DNAJC7: variants seen among roughly 807,000 people sequenced by gnomAD.
The protein encoded by DNAJC7 is dnaJ homolog subfamily C member 7.
A neutral mutation model predicts 67.4 loss-of-function variants in DNAJC7; 18 were observed. The ratio of observed to expected loss-of-function variants is 0.27; its 90% CI spans 0.18 to 0.40. The LOEUF is 0.40. Among genes scored for constraint, DNAJC7 ranks in the 10% least tolerant of loss-of-function variants. The pLI is 1.00. For missense variants in DNAJC7, 419 were observed against 613.8 expected, an observed-to-expected ratio of 0.68 and a Z score of 3.35; for synonymous variants, 220 against 207.8, an observed-to-expected ratio of 1.06 and a Z score of -0.50.
Position 41,981,880 on chromosome 17 carries a change from T to G in DNAJC7, c.1359A>C (p.Leu453=), listed in dbSNP as rs535782796. 2.5e-6 allele frequency: 4 copies of G among 1,613,838 alleles called. No individual in the cohort carries two copies. The African/African-American group carries it at 5.3e-5, about 22-fold the overall frequency. Residue 453 remains leucine (L), a synonymous_variant, in exon 12 of 14, where the codon CTA becomes CTC. Coordinates refer to ENST00000457167, the MANE Select transcript of DNAJC7 (RefSeq NM_003315.4). The part of the protein sequence containing the change: ...KKTRYDSGQD[L]DEEGMNMGDF... ...CACCCATATTCATGCCCTCCTCATCTAGGTCCTGTCCACTGTCATAGCGAG... is the reference window on the plus strand; with the variant it reads ...CACCCATATTCATGCCCTCCTCATCGAGGTCCTGTCCACTGTCATAGCGAG...
chr17:41,977,225 G>C (rs1555645033), intron 13 of DNAJC7, 36 bp downstream of exon 13: 12 of 1,562,466 alleles, frequency 7.7e-6, no homozygotes, highest in Non-Finnish European at 1.0e-5. Context: ...GTTGGCTTGT[G>C]ATCTGGGAAC....
rs1173825270 is a variant in DNAJC7 at position 42,007,101 on chromosome 17, C to CA, written c.78-6532dup. Reference sequence around the variant, plus strand: ...TGGGCAACAGAGCAAGATCCTGTCTCAAAAAAAAAAAAGAAAAAGAAAAAG... The same window carrying CA: ...TGGGCAACAGAGCAAGATCCTGTCTCAAAAAAAAAAAAAGAAAAAGAAAAAG... On this transcript the variant is annotated intron_variant, in intron 1 of 13. Coordinates refer to ENST00000457167, the MANE Select transcript of DNAJC7 (RefSeq NM_003315.4). Among the ~76,000 whole-genome samples, 317 of 128,442 alleles carry CA rather than the reference C, an allele frequency of 2.5e-3. 1 individual carries two copies. The highest frequency in any genetic ancestry group is 4.2e-3 in the African/African-American group (146 of 34,640). The allele number at this position is 128,442 out of a possible 152,430, so 84.3% of individuals were successfully genotyped here.
intron 10 of DNAJC7, among the ~76,000 whole-genome samples, chr17:41,983,001 A>C (rs886874205): frequency 6.6e-6 from 1 of 151,766 alleles, no homozygotes; most frequent in Non-Finnish European, 1.5e-5. Flanking sequence ...ATCTACCCAG[A>C]CTTAGGTTCC....
At chr17:41,977,434 T>C (rs782303187) in intron 12 of DNAJC7, 111 bp from the exon 13 acceptor site, 301 of 965,700 alleles carry the variant, frequency 3.1e-4, no homozygotes, top group Non-Finnish European at 4.2e-4. Context: ...CTGGAGAGTC[T>C]CACTCCCCTC....
intron 9 of DNAJC7, chr17:41,984,595 C>A (rs2051331364): frequency 6.6e-6 from 1 of 152,178 alleles, no homozygotes; most frequent in Non-Finnish European, 1.5e-5. Context: ...GCGTGAGCCA[C>A]CGCACCCGGC....
intron 5 of DNAJC7, among the ~76,000 whole-genome samples, chr17:41,994,382 A>G (rs2051598120): frequency 6.6e-6 from 1 of 150,594 alleles, no homozygotes; most frequent in South Asian, 2.1e-4. Flanking sequence ...AAACAAAACT[A>G]CAAAACTTAG....
chr17:42,005,295 C>T (rs2051917871), intron 1 of DNAJC7, among the ~76,000 whole-genome samples: 1 of 152,172 alleles, frequency 6.6e-6, no homozygotes, highest in African/African-American at 2.4e-5. Flanking sequence ...ACATTTACAG[C>T]TCAACTAAAT....
At chr17:41,986,748 C>G (rs1464488780) in intron 9 of DNAJC7, among the ~76,000 whole-genome samples, 1 of 152,086 alleles carries the variant, frequency 6.6e-6, no homozygotes, top group Non-Finnish European at 1.5e-5. Flanking sequence ...TTCTGTTGGA[C>G]AGACTTAGTC....
In DNAJC7 at chr17:41,982,300, C is replaced by T. The variant is rs1598117414; in HGVS notation, c.1186G>A (p.Glu396Lys). The part of the protein sequence containing the change: ...LGVDKNASED[E>K]IKKAYRKRAL... Reference sequence around the variant, plus strand: ...CGTTTCCGATAAGCTTTCTTGATCTCGTCCTCAGAGGCATTCTTGTCCACT... The same window carrying T: ...CGTTTCCGATAAGCTTTCTTGATCTTGTCCTCAGAGGCATTCTTGTCCACT... Residue 396 changes from glutamate (E) to lysine (K), a missense_variant, in exon 11 of 14, where the codon GAG becomes AAG. Glu to Lys is a moderately conservative substitution (Grantham distance 56). Around this residue, in one of 4 missense-constraint regions of DNAJC7, gnomAD observed 161 missense variants for 252.2 expected, o/e 0.64. Transcript: ENST00000457167. 2 of 1,614,010 alleles carry T rather than the reference C, an allele frequency of 1.2e-6. No homozygotes were observed. The highest frequency in any genetic ancestry group is 8.5e-7 in the Non-Finnish European group (1 of 1,179,906).
At chr17:42,008,413 T>C (rs1199041675) in intron 1 of DNAJC7, among the ~76,000 whole-genome samples, 10 of 13,958 alleles carry the variant, frequency 7.2e-4, no homozygotes, top group South Asian at 2.3e-3. Context: ...TATATAGATA[T>C]AGATTTTTTT....
chr17:42,012,293 G>A lies in DNAJC7; in HGVS notation c.77+5047C>T, dbSNP rs989690036. 5.9e-5 allele frequency among the ~76,000 whole-genome samples: 9 copies of A among 152,330 alleles called. No individual in the cohort carries two copies. In the East Asian group the frequency reaches 1.7e-3, roughly 29 times the overall value. ...AGGTTAAGAGATCGAGACCATCCTG[G>A]CCAACATGGTAAAACTCCGTCTCTA... is the stretch of plus-strand genomic sequence containing the variant. On this transcript the variant is annotated intron_variant, in intron 1 of 13. Transcript: ENST00000457167.
chr17:41,980,848 T>G (rs1555645875), intron 12 of DNAJC7, among the ~76,000 whole-genome samples: 1 of 152,204 alleles, frequency 6.6e-6, no homozygotes, highest in Non-Finnish European at 1.5e-5. Flanking sequence ...AGCATACACT[T>G]TGCAGTGGGT....
intron 1 of DNAJC7, among the ~76,000 whole-genome samples, chr17:42,006,217 A>G (rs1361838097): frequency 6.7e-6 from 1 of 149,824 alleles, no homozygotes; most frequent in Non-Finnish European, 1.5e-5. Flanking sequence ...GCAGTGGCGC[A>G]ATCTCGGCTC....
chr17:41,976,884 A>T, intron 13 of DNAJC7, 114 bp from the exon 14 acceptor site: 1 of 1,315,606 alleles, frequency 7.6e-7, no homozygotes, highest in Non-Finnish European at 1.0e-6. Context: ...ACAGAGAGAA[A>T]CTCTATGGGT....
intron 9 of DNAJC7, among the ~76,000 whole-genome samples, chr17:41,986,906 G>T (rs1404229580): frequency 1.3e-5 from 2 of 152,112 alleles, no homozygotes; most frequent in African/African-American, 4.8e-5. Flanking sequence ...TAAACTACTG[G>T]CTCATCAGGC....
intron 7 of DNAJC7, among the ~76,000 whole-genome samples, chr17:41,989,106 A>G (rs1555647308): frequency 6.6e-6 from 1 of 152,192 alleles, no homozygotes; most frequent in South Asian, 2.1e-4. Flanking sequence ...AATGAGACCT[A>G]TGTTACTGGG....
intron 1 of DNAJC7, chr17:42,011,567 T>C (rs1555651055): frequency 6.6e-6 from 1 of 152,250 alleles, no homozygotes; most frequent in Non-Finnish European, 1.5e-5. Context: ...TCTGTATTCC[T>C]AGGTTTATCC....
At chr17:41,988,708 C>G in intron 8 of DNAJC7, 24 bp downstream of exon 8, 1 of 1,569,244 alleles carries the variant, frequency 6.4e-7, no homozygotes, top group South Asian at 1.2e-5. Flanking sequence ...TCTATAGGCC[C>G]CAAGATCTAG....
intron 1 of DNAJC7, chr17:42,014,778 C>T (rs1261863269): frequency 1.3e-5 from 2 of 151,852 alleles, no homozygotes; most frequent in South Asian, 2.1e-4. Flanking sequence ...AGGCTGGTTT[C>T]GAACTCCTGA....
Sources: gnomAD v4.1 joint callset for allele counts (sites outside exome capture counted in the v4.1 genomes callset) on GRCh38, gnomAD v4.1.1 for gene constraint, gnomAD v4.1.1 regional missense constraint, MANE v1.5 for transcripts, NCBI Gene and HGNC (gene_info 2026-07-23, HGNC 2026-07-21) for gene names.